Variants in CUX1 observed in about 807,000 individuals in gnomAD.
The protein encoded by CUX1 is protein CASP.
Under a neutral mutation model 158.8 loss-of-function variants are expected in CUX1, and 31 were observed. That is an observed-to-expected ratio of 0.20 (90% CI 0.15 to 0.26). The LOEUF (loss-of-function observed/expected upper bound fraction) is 0.26, where lower values mean the gene tolerates loss of function less well. CUX1 is among the 10% of genes least tolerant of loss of function. The pLI is 1.00. For synonymous variants in CUX1, 879 were observed against 862.1 expected (o/e 1.02, Z -0.34); for missense variants, 1,589 against 2,014.6 (o/e 0.79, Z 4.04).
chr7:102,097,485 T>C lies in CUX1; in HGVS notation c.390T>C (p.Ala130=), dbSNP rs1554484679. 1 of 1,599,596 alleles carries C rather than the reference T, an allele frequency of 6.3e-7. No individual in the cohort carries two copies. Among genetic ancestry groups the C allele is most frequent in the Non-Finnish European group, 8.5e-7 (1 of 1,176,658 alleles). Reference sequence around the variant, plus strand: ...TGGAAGAATACAACAAGGAATTTGCTGAAGTGAAAAATCAAGGTTGGTGGA... The same window carrying C: ...TGGAAGAATACAACAAGGAATTTGCCGAAGTGAAAAATCAAGGTTGGTGGA... ...ETLEEYNKEF[A]EVKNQEVTIK... is the part of the protein sequence containing the mutation. The change falls in exon 5 of 24, where the codon GCT becomes GCC. Residue 130 remains alanine (A), a synonymous_variant. Coordinates refer to ENST00000292535, the MANE Select transcript of CUX1 (RefSeq NM_181552.4).
intron 15 of CUX1, chr7:102,274,240 G>T (rs1554547059): frequency 6.2e-7 from 1 of 1,613,008 alleles, no homozygotes; most frequent in Non-Finnish European, 8.5e-7. Context: ...CCTGTCACCT[G>T]CAGGGTGCCG....
At chr7:102,030,401 A>G (rs1820599045) in intron 3 of CUX1, among the ~76,000 whole-genome samples, 1 of 139,240 alleles carries the variant, frequency 7.2e-6, no homozygotes, top group Non-Finnish European at 1.5e-5. Context: ...ACTTTTGCTG[A>G]ACATTCAGAA....
chr7:101,974,158 C>A (rs554011553), intron 2 of CUX1, among the ~76,000 whole-genome samples: 1 of 151,888 alleles, frequency 6.6e-6, no homozygotes, highest in Non-Finnish European at 1.5e-5. Context: ...GTCCACCTCC[C>A]TGGGCTCAAG....
chr7:102,270,542 C>G (rs1227925977), intron 14 of CUX1, among the ~76,000 whole-genome samples: 5 of 152,190 alleles, frequency 3.3e-5, no homozygotes, highest in Admixed American at 2.0e-4. Flanking sequence ...CCTCTGCTGC[C>G]CTGTCTTACC....
chr7:102,165,119 G>C (rs1335062473), intron 9 of CUX1, among the ~76,000 whole-genome samples: 1 of 152,016 alleles, frequency 6.6e-6, no homozygotes, highest in Non-Finnish European at 1.5e-5. Flanking sequence ...CACAGGTCTG[G>C]GGCCATGTCG....
chr7:102,275,209 T>C (rs1301103014), intron 16 of CUX1: 4 of 1,509,812 alleles, frequency 2.6e-6, no homozygotes, highest in Admixed American at 1.9e-5. Context: ...GGGTTCCACC[T>C]CCTGCCACCC....
At chr7:102,196,551 G>A in intron 14 of CUX1, 83 bp from the exon 15 acceptor site, 2 of 1,317,374 alleles carry the variant, frequency 1.5e-6, no homozygotes, top group East Asian at 2.4e-5. Flanking sequence ...CTTTTGCGGG[G>A]GCAAACTTTT....
rs143750454 is a variant in CUX1 at position 102,146,189 on chromosome 7, G to A, written c.675-12371G>A. On this transcript the variant is annotated intron_variant, in intron 8 of 23. Transcript: ENST00000292535. ...TGAACCCAGATGCTCATCCCTGGAG[G>A]CACTGTGCGGTCTCAGGAGCAGAAG... 4.6e-5 allele frequency among the ~76,000 whole-genome samples: 7 copies of A among 152,278 alleles called. No individual in the cohort carries two copies. In the East Asian group the frequency reaches 1.3e-3, roughly 29 times the overall value.
chr7:102,281,849 G>A, exon 21 of CUX1: 1 of 1,612,968 alleles, frequency 6.2e-7, no homozygotes, highest in Non-Finnish European at 8.5e-7. Flanking sequence ...GGGGCGTCTG[G>A]TTCTCTCCAA....
At chr7:102,117,397 C>CA (rs10633602) in intron 8 of CUX1, among the ~76,000 whole-genome samples, 1,033 of 45,946 alleles carry the variant, frequency 0.022, 35 homozygotes, top group East Asian at 0.13. Context: ...GACTCCATCG[C>CA]AAAAAAAAAA....
chr7:102,138,606 T>C (rs1257987317), intron 8 of CUX1, among the ~76,000 whole-genome samples: 2 of 152,236 alleles, frequency 1.3e-5, no homozygotes, highest in Admixed American at 6.5e-5. Context: ...ATGTCTAGCA[T>C]AGCAGCAAAT....
chr7:101,828,846 C>T (rs927823048), intron 1 of CUX1, among the ~76,000 whole-genome samples: 3 of 152,042 alleles, frequency 2.0e-5, no homozygotes, highest in African/African-American at 7.2e-5. Flanking sequence ...ATGCCCAGGC[C>T]CATTGCGGGT....
chr7:101,988,563 T>TTTCCACC (rs942917143), intron 2 of CUX1, among the ~76,000 whole-genome samples: 3 of 152,132 alleles, frequency 2.0e-5, no homozygotes, highest in African/African-American at 7.2e-5. Context: ...CTGGGCTGCC[T>TTTCCACC]TTCCACCTCT....
intron 1 of CUX1, among the ~76,000 whole-genome samples, chr7:101,834,428 C>T (rs969624540): frequency 5.3e-5 from 8 of 152,062 alleles, no homozygotes; most frequent in African/African-American, 1.9e-4. Flanking sequence ...CCTGCCTTGG[C>T]CTCCCAAATG....
intron 10 of CUX1, among the ~76,000 whole-genome samples, chr7:102,178,138 G>A (rs930486232): frequency 4.6e-5 from 7 of 152,200 alleles, no homozygotes; most frequent in Non-Finnish European, 8.8e-5. Flanking sequence ...CTGACCTAAG[G>A]TCATCCACCC....
rs144528224 is a variant in CUX1 at position 102,070,245 on chromosome 7, A to G, written c.190-94A>G. On this transcript the variant is annotated intron_variant, in intron 3 of 23. Transcript: ENST00000292535. Reference sequence around the variant, plus strand: ...CCAGTTGTCAAGCATCTCCCTTGCTACGGGAATTCACTAGATGTGTAATGC... The same window carrying G: ...CCAGTTGTCAAGCATCTCCCTTGCTGCGGGAATTCACTAGATGTGTAATGC... 1,516 of 1,055,496 alleles carry G rather than the reference A, an allele frequency of 1.4e-3. 16 individuals are homozygous for G. In the African/African-American group the frequency reaches 0.022, roughly 15 times the overall value. The allele number at this position is 1,055,496 out of a possible 1,614,324, so 65.4% of individuals were successfully genotyped here.
intron 4 of CUX1, among the ~76,000 whole-genome samples, chr7:102,074,616 C>A (rs1826499348): frequency 6.6e-6 from 1 of 152,198 alleles, no homozygotes; most frequent in Non-Finnish European, 1.5e-5. Flanking sequence ...ACCCAAATTC[C>A]CGCCACTCCC....
At position 102,257,174 on chromosome 7, in the gene CUX1, A is replaced by G; in HGVS notation, c.*8132A>G. 3 of 985,332 alleles carry G rather than the reference A, an allele frequency of 3.0e-6. No individual in the cohort carries two copies. Among genetic ancestry groups the G allele is most frequent in the Non-Finnish European group, 1.2e-6 (1 of 829,914 alleles). The allele number at this position is 985,332 out of a possible 1,614,324, so 61.0% of individuals were successfully genotyped here. On this transcript the variant is annotated 3_prime_UTR_variant, in exon 24 of 24. Coordinates refer to ENST00000292535, the MANE Select transcript of CUX1 (RefSeq NM_181552.4). ...CCAAGGCAAGGGCCCTGCTCACCCCAAGGTAGGCTGGGAAGAGCATCTCTT... is the reference window on the plus strand; with the variant it reads ...CCAAGGCAAGGGCCCTGCTCACCCCGAGGTAGGCTGGGAAGAGCATCTCTT...
chr7:102,281,075 C>T (rs1307470516), intron 20 of CUX1, among the ~76,000 whole-genome samples: 1 of 152,312 alleles, frequency 6.6e-6, no homozygotes, highest in African/African-American at 2.4e-5. Context: ...AGGGGGCATT[C>T]CTCAGAATTC....
Sources: allele counts gnomAD v4.1 joint callset (sites outside exome capture counted in the v4.1 genomes callset), GRCh38; gene constraint gnomAD v4.1.1; transcripts MANE v1.5; gene names NCBI Gene and HGNC (gene_info 2026-07-23, HGNC 2026-07-21).